The following EDA variants were observed in gnomAD, a reference collection of about 807,000 sequenced individuals.
The protein encoded by EDA is ectodysplasin A.
A neutral mutation model predicts 23.6 loss-of-function variants in EDA; 2 were observed. The observed-to-expected ratio is 0.08, with a 90% CI of 0.03 to 0.27. The LOEUF is 0.27. Ranked by LOEUF, EDA falls within the 10% of genes least tolerant of loss-of-function variation. The probability of loss-of-function intolerance (pLI) is 1.00; values close to 1 mark genes in which losing one functional copy is unlikely to be tolerated. For missense variants in EDA, 229 were observed against 324.2 expected, an observed-to-expected ratio of 0.71 and a Z score of 2.26; for synonymous variants, 131 against 132.0, an observed-to-expected ratio of 0.99 and a Z score of 0.05.
Position 69,779,750 on chromosome X carries a change from A to G in EDA, c.396+163046A>G, listed in dbSNP as rs1005507678. 1.0e-3 allele frequency among the ~76,000 whole-genome samples: 117 copies of G among 111,921 alleles called. 1 individual carries two copies. Among genetic ancestry groups the G allele is most frequent in the Admixed American group, 2.4e-3 (25 of 10,518 alleles). Reference sequence around the variant, plus strand: ...TTCACCTCAAAGAAAACCAAAAACAAACAAACAAAACGAACAAAAACAGTC... The same window carrying G: ...TTCACCTCAAAGAAAACCAAAAACAGACAAACAAAACGAACAAAAACAGTC... On this transcript the variant is annotated intron_variant, in intron 1 of 7. Transcript: ENST00000374552.
chrX:69,656,598 C>T (rs996470043), intron 1 of EDA, among the ~76,000 whole-genome samples: 3 of 111,409 alleles, frequency 2.7e-5, no homozygotes, highest in African/African-American at 9.8e-5. Context: ...TTTATCCCAT[C>T]ACTTAGGTAG....
intron 1 of EDA, among the ~76,000 whole-genome samples, chrX:69,891,374 C>T (rs137982209): frequency 9.3e-4 from 104 of 111,842 alleles, no homozygotes; most frequent in African/African-American, 3.3e-3. Flanking sequence ...CCAGCAATCC[C>T]ATTACTGGGG....
chrX:69,846,737 A>G (rs1602476891), intron 1 of EDA, among the ~76,000 whole-genome samples: 1 of 111,774 alleles, frequency 8.9e-6, no homozygotes, highest in East Asian at 2.8e-4. Flanking sequence ...TTCCCATGTT[A>G]CCAAATAAAC....
intron 1 of EDA, among the ~76,000 whole-genome samples, chrX:69,781,370 T>C (rs1179779422): frequency 8.9e-6 from 1 of 111,931 alleles, no homozygotes; most frequent in Non-Finnish European, 1.9e-5. Flanking sequence ...CAGTTTATGA[T>C]GGTTCTGTTT....
At chrX:69,892,047 A>G (rs1339252491) in intron 1 of EDA, among the ~76,000 whole-genome samples, 1 of 112,040 alleles carries the variant, frequency 8.9e-6, no homozygotes, top group African/African-American at 3.2e-5. Context: ...CATGAGTAAA[A>G]TATGGTAATG....
chrX:69,833,337 C>A lies in EDA; in HGVS notation c.397-123690C>A, dbSNP rs146738916. ...GTTGTTGTTGGTTCTGTGTGGATTA[C>A]GTTTATTGATTTGCGTATGTTGAAC... On this transcript the variant is annotated intron_variant, in intron 1 of 7. Coordinates refer to ENST00000374552, the MANE Select transcript of EDA (RefSeq NM_001399.5). 2.8e-4 allele frequency among the ~76,000 whole-genome samples: 31 copies of A among 111,347 alleles called. No homozygotes were observed. The East Asian group carries it at 8.5e-3, about 31-fold the overall frequency.
chrX:69,653,676 C>A, intron 1 of EDA, among the ~76,000 whole-genome samples: 1 of 111,106 alleles, frequency 9.0e-6, no homozygotes, highest in Non-Finnish European at 1.9e-5. Flanking sequence ...CTTTGACAAA[C>A]CTGACAAAAA....
chrX:70,020,753 C>T lies in EDA; in HGVS notation c.503-2465C>T, dbSNP rs2020022387. Among the ~76,000 whole-genome samples, 2 of 111,389 alleles carry T rather than the reference C, an allele frequency of 1.8e-5. 1 individual carries two copies. Among genetic ancestry groups the T allele is most frequent in the Middle Eastern group, 8.7e-3 (2 of 229 alleles). On this transcript the variant is annotated intron_variant, in intron 2 of 7. Transcript: ENST00000374552. ...AATATTTATCAAAGATGATTAAACG[C>T]TGATGCATCCATATTAAAAATTACA...
chrX:69,897,300 G>A (rs2018030843), intron 1 of EDA, among the ~76,000 whole-genome samples: 1 of 111,277 alleles, frequency 9.0e-6, no homozygotes, highest in Non-Finnish European at 1.9e-5. Flanking sequence ...TTTAGCCAGA[G>A]GTATTTAAGC....
At chrX:70,008,732 G>T (rs972612818) in intron 2 of EDA, among the ~76,000 whole-genome samples, 1 of 110,770 alleles carries the variant, frequency 9.0e-6, no homozygotes, top group Non-Finnish European at 1.9e-5. Context: ...AGATTTGGGG[G>T]TACATGTGCA....
At chrX:69,826,052 T>C (rs2016421655) in intron 1 of EDA, among the ~76,000 whole-genome samples, 1 of 109,578 alleles carries the variant, frequency 9.1e-6, no homozygotes, top group Non-Finnish European at 1.9e-5. Flanking sequence ...GATTGCACTG[T>C]GGTCTGAGAG....
intron 1 of EDA, among the ~76,000 whole-genome samples, chrX:69,859,188 A>T (rs1426390971): frequency 9.0e-6 from 1 of 110,601 alleles, no homozygotes; most frequent in African/African-American, 3.3e-5. Flanking sequence ...AACAGCTCCT[A>T]GATTCATTAA....
chrX:69,827,676 G>T (rs776141732), intron 1 of EDA, among the ~76,000 whole-genome samples: 1 of 111,582 alleles, frequency 9.0e-6, no homozygotes, highest in East Asian at 2.8e-4. Flanking sequence ...TAATTTGATC[G>T]TCTGAAGCCT....
intron 1 of EDA, among the ~76,000 whole-genome samples, chrX:69,821,249 A>T (rs1275665160): frequency 1.1e-5 from 1 of 88,961 alleles, no homozygotes; most frequent in African/African-American, 4.2e-5. Context: ...ACTGGGGGGG[A>T]TGAGGGGGGT....
chrX:69,694,716 A>G (rs2011274378), intron 1 of EDA, among the ~76,000 whole-genome samples: 1 of 112,218 alleles, frequency 8.9e-6, no homozygotes, highest in Non-Finnish European at 1.9e-5. Context: ...ATTTTAAGAT[A>G]ACTAGAATTA....
At chrX:69,786,912 A>G (rs1308036689) in intron 1 of EDA, among the ~76,000 whole-genome samples, 18 of 103,634 alleles carry the variant, frequency 1.7e-4, no homozygotes, top group African/African-American at 6.1e-4. Flanking sequence ...CCCATTATTA[A>G]TGTGTGGGAG....
At chrX:70,030,052 C>T (rs2020177204) in intron 5 of EDA, among the ~76,000 whole-genome samples, 1 of 112,603 alleles carries the variant, frequency 8.9e-6, no homozygotes, top group African/African-American at 3.2e-5. Flanking sequence ...GGTTCTACTG[C>T]CTTGCCTTGT....
At chrX:69,841,534 A>G in intron 1 of EDA, among the ~76,000 whole-genome samples, 1 of 111,085 alleles carries the variant, frequency 9.0e-6, no homozygotes, top group Middle Eastern at 4.6e-3. Context: ...TTTTTTAAGC[A>G]GAGGCAAGAT....
At chrX:69,881,073 C>T (rs752613474) in intron 1 of EDA, among the ~76,000 whole-genome samples, 3 of 111,904 alleles carry the variant, frequency 2.7e-5, no homozygotes, top group South Asian at 3.8e-4. Flanking sequence ...CAAAGCCTGA[C>T]GCATCCTGAC....
Sources: gnomAD v4.1 joint callset for allele counts (sites outside exome capture counted in the v4.1 genomes callset) on GRCh38, gnomAD v4.1.1 for gene constraint, MANE v1.5 for transcripts, NCBI Gene and HGNC (gene_info 2026-07-23, HGNC 2026-07-21) for gene names.